The following PTPRR variants were observed in gnomAD, a reference collection of about 807,000 sequenced individuals.
PTPRR encodes protein tyrosine phosphatase receptor type R.
In PTPRR, 38 loss-of-function variants were observed where a neutral mutation model predicts 77.2. The observed-to-expected ratio is 0.49, with a 90% confidence interval of 0.38 to 0.65. The LOEUF (loss-of-function observed/expected upper bound fraction) is 0.65, where lower values mean the gene tolerates loss of function less well. PTPRR is among the 30% of genes least tolerant of loss of function. The probability of loss-of-function intolerance (pLI) is 0.00; values close to 1 mark genes in which losing one functional copy is unlikely to be tolerated. For missense variants in PTPRR, 744 were observed against 799.2 expected, an observed-to-expected ratio of 0.93 and a Z score of 0.83; for synonymous variants, 299 against 283.1, an observed-to-expected ratio of 1.06 and a Z score of -0.57.
At chr12:70,704,434 T>C (rs1052878691) in intron 6 of PTPRR, among the ~76,000 whole-genome samples, 1 of 151,074 alleles carries the variant, frequency 6.6e-6, no homozygotes, top group African/African-American at 2.4e-5. Context: ...AATAAATAAA[T>C]AAATAAATAC....
intron 1 of PTPRR, among the ~76,000 whole-genome samples, chr12:70,899,858 A>T (rs1893500884): frequency 6.6e-6 from 1 of 151,466 alleles, no homozygotes; most frequent in South Asian, 2.1e-4. Context: ...TATAAAGGCA[A>T]CCTACAAAAC....
In PTPRR at chr12:70,761,625, C is replaced by T. The variant is rs1890693597; in HGVS notation, c.473G>A (p.Gly158Glu). 2 of 1,553,132 alleles carry T rather than the reference C, an allele frequency of 1.3e-6. No individual in the cohort carries two copies. Among genetic ancestry groups the T allele is most frequent in the African/African-American group, 2.7e-5 (2 of 72,954 alleles). The change falls in exon 4 of 14, where the codon GGA becomes GAA. Residue 158 changes from glycine to glutamate, a missense_variant and splice_region_variant. Physicochemically the swap from Gly to Glu is moderately conservative, Grantham distance 98 (BLOSUM62 -2). Coordinates refer to ENST00000283228, the MANE Select transcript of PTPRR (RefSeq NM_002849.4). ...PQQVHINRLI[G>E]KKNSIELFVS... ...AAACAGTTCAATACTGTTCTTCTTTCCCTAATAAAAGCAGAATATTTGTAT... is the reference window on the plus strand; with the variant it reads ...AAACAGTTCAATACTGTTCTTCTTTTCCTAATAAAAGCAGAATATTTGTAT...
At chr12:70,655,455 G>A (rs1283573694) in intron 13 of PTPRR, among the ~76,000 whole-genome samples, 1 of 152,212 alleles carries the variant, frequency 6.6e-6, no homozygotes, top group Admixed American at 6.5e-5. Flanking sequence ...CATGTTCATA[G>A]CAGCAGTATT....
intron 10 of PTPRR, among the ~76,000 whole-genome samples, chr12:70,680,013 T>C (rs1476407078): frequency 1.3e-5 from 2 of 152,340 alleles, no homozygotes; most frequent in South Asian, 2.1e-4. Flanking sequence ...TCCATAGTGA[T>C]AAGCTTTGAT....
intron 3 of PTPRR, among the ~76,000 whole-genome samples, chr12:70,762,154 C>T (rs1238186506): frequency 2.0e-5 from 3 of 152,148 alleles, no homozygotes; most frequent in Non-Finnish European, 4.4e-5. Context: ...AAATATGTCA[C>T]ACATTTAAAA....
At chr12:70,810,899 T>C (rs1471336050) in intron 2 of PTPRR, among the ~76,000 whole-genome samples, 1 of 152,192 alleles carries the variant, frequency 6.6e-6, no homozygotes, top group Non-Finnish European at 1.5e-5. Context: ...ATGGCAATTC[T>C]ATGACTGCAC....
In PTPRR at chr12:70,902,938, A is replaced by C. The variant is rs1217672866; in HGVS notation, c.59-9961T>G. 3.3e-5 allele frequency among the ~76,000 whole-genome samples: 5 copies of C among 151,802 alleles called. No individual in the cohort carries two copies. The East Asian group carries it at 7.7e-4, about 23-fold the overall frequency. Reference sequence around the variant, plus strand: ...ATAATGTAATACTATTCAGTCTTATAAAAGGAAGGAAATCCTAACCTTTGT... The same window carrying C: ...ATAATGTAATACTATTCAGTCTTATCAAAGGAAGGAAATCCTAACCTTTGT... On this transcript the variant is annotated intron_variant, in intron 1 of 13. Coordinates refer to ENST00000283228, the MANE Select transcript of PTPRR (RefSeq NM_002849.4).
chr12:70,774,682 T>C (rs1565692335), intron 2 of PTPRR, among the ~76,000 whole-genome samples: 1 of 152,168 alleles, frequency 6.6e-6, no homozygotes, highest in African/African-American at 2.4e-5. Context: ...AAAATAGTGA[T>C]GCTAAAATAT....
chr12:70,909,715 T>G (rs1377447731), intron 1 of PTPRR, among the ~76,000 whole-genome samples: 1 of 152,182 alleles, frequency 6.6e-6, no homozygotes, highest in Non-Finnish European at 1.5e-5. Flanking sequence ...GCATTAGAAG[T>G]GGAATGTTTT....
intron 2 of PTPRR, among the ~76,000 whole-genome samples, chr12:70,830,251 T>A (rs903773550): frequency 6.6e-6 from 1 of 152,174 alleles, no homozygotes; most frequent in Non-Finnish European, 1.5e-5. Flanking sequence ...TTATGCTGCA[T>A]TAAGAAATGA....
At position 70,859,136 on chromosome 12, in the gene PTPRR, C is replaced by A. The variant is rs12302875; in HGVS notation, c.357+33543G>T. On this transcript the variant is annotated intron_variant, in intron 2 of 13. Transcript: ENST00000283228. ...TAGATTTTAACTCTATATTAGCCTT[C>A]GTGAATTCTTTAAAATTCAGTGGAA... Among the ~76,000 whole-genome samples the A allele has an allele frequency of 2.2e-4, 34 of 151,810 alleles. 1 individual carries two copies. Among genetic ancestry groups the A allele is most frequent in the African/African-American group, 8.0e-4 (33 of 41,378 alleles).
chr12:70,884,442 T>C (rs1409319615), intron 2 of PTPRR, among the ~76,000 whole-genome samples: 1 of 152,156 alleles, frequency 6.6e-6, no homozygotes, highest in Admixed American at 6.5e-5. Flanking sequence ...GAACAGTTCT[T>C]AACAACTGGA....
chr12:70,721,422 A>G (rs2136848088), intron 6 of PTPRR, among the ~76,000 whole-genome samples: 1 of 152,336 alleles, frequency 6.6e-6, no homozygotes, highest in Non-Finnish European at 1.5e-5. Flanking sequence ...CTGATGGAAC[A>G]GCAGGTGGAA....
intron 10 of PTPRR, among the ~76,000 whole-genome samples, chr12:70,681,704 G>A (rs1887668356): frequency 6.6e-6 from 1 of 151,954 alleles, no homozygotes; most frequent in African/African-American, 2.4e-5. Context: ...CTTTTTTTTG[G>A]TGGGAAGTAT....
chr12:70,733,417 C>A (rs1168259883), intron 6 of PTPRR, among the ~76,000 whole-genome samples: 3 of 76,218 alleles, frequency 3.9e-5, no homozygotes, highest in African/African-American at 8.9e-5. Context: ...AAAATACAAA[C>A]AAACAACAAC....
chr12:70,761,764 A>G (rs1490439166), intron 3 of PTPRR, 138 bp from the exon 4 acceptor site: 1 of 633,996 alleles, frequency 1.6e-6, no homozygotes, highest in African/African-American at 1.9e-5. Flanking sequence ...TATATTTATT[A>G]GTTATTCTCT....
intron 1 of PTPRR, among the ~76,000 whole-genome samples, chr12:70,897,157 T>C (rs1893443539): frequency 6.6e-6 from 1 of 151,914 alleles, no homozygotes. Context: ...ACAAATGGGA[T>C]CTAATTATAC....
In PTPRR at chr12:70,892,935, T is replaced by G; in HGVS notation, c.101A>C (p.Gln34Pro). 1 of 1,613,158 alleles carries G rather than the reference T, an allele frequency of 6.2e-7. No individual in the cohort carries two copies. The highest frequency in any genetic ancestry group is 8.5e-7 in the Non-Finnish European group (1 of 1,179,438). Reference protein sequence around the residue: ...GNNDHFLAINQKKSGKPVFIY... With the variant: ...GNNDHFLAINPKKSGKPVFIY... ...GAATACCGGCTTCCCACTCTTCTTC[T>G]GATTAATTGCCAAAAAATGATCATT... Residue 34 changes from glutamine to proline, a missense_variant, in exon 2 of 14, where the codon CAG becomes CCG. Coordinates refer to ENST00000283228, the MANE Select transcript of PTPRR (RefSeq NM_002849.4).
chr12:70,834,708 C>G (rs1240399229), intron 2 of PTPRR, among the ~76,000 whole-genome samples: 1 of 152,112 alleles, frequency 6.6e-6, no homozygotes, highest in Non-Finnish European at 1.5e-5. Context: ...AAGGAAGTTA[C>G]TTCCAGGTAA....
Sources: allele counts gnomAD v4.1 joint callset (sites outside exome capture counted in the v4.1 genomes callset), GRCh38; gene constraint gnomAD v4.1.1; transcripts MANE v1.5; gene names NCBI Gene and HGNC (gene_info 2026-07-23, HGNC 2026-07-21).